Variants in NAP1L4 observed in about 807,000 individuals in gnomAD.
The protein encoded by NAP1L4 is nucleosome assembly protein 1 like 4.
In NAP1L4, 15 loss-of-function variants were observed where a neutral mutation model predicts 58.2. The observed-to-expected ratio is 0.26, with a 90% confidence interval of 0.17 to 0.40. The LOEUF (loss-of-function observed/expected upper bound fraction) is 0.40. Among genes scored for constraint, NAP1L4 ranks in the 10% least tolerant of loss-of-function variants. The pLI is 1.00. For missense variants in NAP1L4, 384 were observed against 451.1 expected (o/e 0.85, Z 1.35); for synonymous variants, 171 against 155.6 (o/e 1.10, Z -0.74).
intron 7 of NAP1L4, among the ~76,000 whole-genome samples, chr11:2,967,440 G>A (rs540046283): frequency 8.6e-5 from 13 of 151,976 alleles, no homozygotes; most frequent in Admixed American, 7.2e-4. Flanking sequence ...GTGAAACCCC[G>A]TCTCTACTAA....
chr11:2,951,726 GC>G lies in NAP1L4; in HGVS notation c.1065+53del. ...AGTCCATAACCTTCAAGCAGAGAAA[GC>G]CAAAGAAACAACTTCAGGGAGGTAA... On this transcript the variant is annotated intron_variant, in intron 13 of 15. Transcript: ENST00000380542. The surrounding 1 kb of genome is among the most constrained non-coding windows in gnomAD (Gnocchi z 4.0). 1 of 1,586,176 alleles carries G rather than the reference GC, an allele frequency of 6.3e-7. No homozygotes were observed. Among genetic ancestry groups the G allele is most frequent in the East Asian group, 2.2e-5 (1 of 44,762 alleles).
rs16928874 is a variant in NAP1L4, at chr11:2,955,938, A to C, written c.893-172T>G. The C allele has an allele frequency of 7.2e-3, 4,568 of 631,652 alleles. 164 individuals carry two copies. The African/African-American group carries it at 0.074, about 10-fold the overall frequency. 39.1% of individuals were successfully genotyped at this position (631,652 alleles called of 1,614,324 possible). A position where few individuals can be genotyped will look rare whatever the true frequency, so the allele number is the denominator to read the frequency against. Reference sequence around the variant, plus strand: ...CCTCACAGACATCTTTGCAAGCTCCATCCACCACTTCTGAAGCTGGCCTGA... The same window carrying C: ...CCTCACAGACATCTTTGCAAGCTCCCTCCACCACTTCTGAAGCTGGCCTGA... On this transcript the variant is annotated intron_variant, in intron 10 of 15. Transcript: ENST00000380542. The surrounding 1 kb of genome is among the most constrained non-coding windows in gnomAD (Gnocchi z 4.2).
At chr11:2,945,755 AAAATGGTTACTGC>A in intron 15 of NAP1L4, 109 bp from the exon 16 acceptor site, 1 of 879,466 alleles carries the variant, frequency 1.1e-6, no homozygotes, top group Admixed American at 3.1e-5. Flanking sequence ...CTCATTGAAA[AAAATGGTTACTGC>A]AAATATACTT....
At position 2,951,759 on chromosome 11, in the gene NAP1L4, C is replaced by G. The variant is rs777884916; in HGVS notation, c.1065+21G>C. On this transcript the variant is annotated intron_variant, in intron 13 of 15. Transcript: ENST00000380542. This position sits in a 1 kb window ranked among gnomAD's most constrained non-coding sequence, Gnocchi z 4.0. ...AACAACTTCAGGGAGGTAAGTGGCA[C>G]TGCATAAACCTGTCTCTTACCTCCT... is the stretch of plus-strand genomic sequence containing the variant. 5 of 1,613,096 alleles carry G rather than the reference C, an allele frequency of 3.1e-6. No individual in the cohort carries two copies. The highest frequency in any genetic ancestry group is 3.4e-6 in the Non-Finnish European group (4 of 1,179,160).
At chr11:2,988,862 A>C (rs544776775) in intron 1 of NAP1L4, among the ~76,000 whole-genome samples, 2 of 152,344 alleles carry the variant, frequency 1.3e-5, no homozygotes, top group African/African-American at 4.8e-5. Flanking sequence ...TACTATAAAA[A>C]CACAATGCCT....
chr11:2,964,517 C>T (rs939878720), intron 8 of NAP1L4, among the ~76,000 whole-genome samples, 163 bp downstream of exon 8: 16 of 152,156 alleles, frequency 1.1e-4, no homozygotes, highest in African/African-American at 3.6e-4. Flanking sequence ...ACACACAATG[C>T]GGTACTCAGT....
At chr11:2,991,003 A>G (rs1436678164) in intron 1 of NAP1L4, 1 of 419,180 alleles carries the variant, frequency 2.4e-6, no homozygotes. Flanking sequence ...CTAATGCAGG[A>G]GGATAAGGCA....
At position 2,949,543 on chromosome 11, in the gene NAP1L4, A is replaced by ATG. The variant is rs1457681092; in HGVS notation, c.1123-281_1123-280dup. On this transcript the variant is annotated intron_variant, in intron 14 of 15. Coordinates refer to ENST00000380542, the MANE Select transcript of NAP1L4 (RefSeq NM_005969.4). This position sits in a 1 kb window ranked among gnomAD's most constrained non-coding sequence, Gnocchi z 4.0. ...CACTGCCCATCTCTCTGGAAGGTGC[A>ATG]TGTGACAGGGACAGCAGGCTTGGCC... Among the ~76,000 whole-genome samples, 1 of 152,198 alleles carries ATG rather than the reference A, an allele frequency of 6.6e-6. No individual in the cohort carries two copies. The highest frequency in any genetic ancestry group is 2.4e-5 in the African/African-American group (1 of 41,446).
chr11:2,947,946 C>A (rs946736461), intron 15 of NAP1L4, among the ~76,000 whole-genome samples: 2 of 152,218 alleles, frequency 1.3e-5, no homozygotes, highest in African/African-American at 4.8e-5. Flanking sequence ...GGACACTCCT[C>A]GGGGGTTGCT....
chr11:2,958,003 G>A (rs964844994), intron 10 of NAP1L4, among the ~76,000 whole-genome samples: 1 of 152,226 alleles, frequency 6.6e-6, no homozygotes, highest in Non-Finnish European at 1.5e-5. Flanking sequence ...GTCCCCGGGG[G>A]GTGCGAACCA....
chr11:2,991,703 G>A, intron 1 of NAP1L4: 1 of 152,810 alleles, frequency 6.5e-6, no homozygotes, highest in Non-Finnish European at 1.5e-5. Flanking sequence ...AGTTAGCCCA[G>A]CCTGACCCCA....
At chr11:2,965,177 G>A (rs998302404) in intron 7 of NAP1L4, among the ~76,000 whole-genome samples, 10 of 152,232 alleles carry the variant, frequency 6.6e-5, no homozygotes, top group Admixed American at 6.5e-4. Context: ...GGCTAGATCG[G>A]CTACGGCCTT....
Position 2,955,682 on chromosome 11 carries a change from A to G in NAP1L4, c.915+62T>C. On this transcript the variant is annotated intron_variant, in intron 11 of 15. Transcript: ENST00000380542. This position sits in a 1 kb window ranked among gnomAD's most constrained non-coding sequence, Gnocchi z 4.2. The stretch of plus-strand genomic sequence containing the variant: ...CTGGACTTTTTTTAACAAGTAGACA[A>G]GTAGACATTCACTCAGGAGAGACTT... 2 of 1,528,618 alleles carry G rather than the reference A, an allele frequency of 1.3e-6. No homozygotes were observed. Among genetic ancestry groups the G allele is most frequent in the East Asian group, 2.2e-5 (1 of 44,464 alleles). 94.7% of individuals were successfully genotyped at this position (1,528,618 alleles called of 1,614,324 possible).
At chr11:2,961,996 A>G (rs920534965) in intron 8 of NAP1L4, among the ~76,000 whole-genome samples, 5 of 152,202 alleles carry the variant, frequency 3.3e-5, no homozygotes, top group Non-Finnish European at 7.3e-5. Flanking sequence ...TCATTCACAC[A>G]CGCACTACAG....
At chr11:2,969,732 A>C (rs1847520900) in intron 7 of NAP1L4, 71 bp downstream of exon 7, 6 of 1,519,990 alleles carry the variant, frequency 3.9e-6, no homozygotes, top group Non-Finnish European at 5.3e-6. Flanking sequence ...TGTAGTGCTT[A>C]AAAAATGCCA....
At chr11:2,973,327 CA>C (rs1346091495) in intron 4 of NAP1L4, among the ~76,000 whole-genome samples, 2 of 152,158 alleles carry the variant, frequency 1.3e-5, no homozygotes, top group Non-Finnish European at 2.9e-5. Context: ...ACTATTTGTT[CA>C]AAACGAAGCC....
Position 2,951,873 on chromosome 11 carries a change from C to G in NAP1L4, c.1036-64G>C. ...CATGACAGCAGCCTGCCCAAGACAC[C>G]AGTCCCATCAAGTGACTCACTGACC... On this transcript the variant is annotated intron_variant, in intron 12 of 15. Transcript: ENST00000380542. The surrounding 1 kb of genome is among the most constrained non-coding windows in gnomAD (Gnocchi z 4.0). The G allele has an allele frequency of 1.3e-6, 2 of 1,505,154 alleles. No homozygotes were observed. The highest frequency in any genetic ancestry group is 1.8e-6 in the Non-Finnish European group (2 of 1,083,874). 93.2% of individuals were successfully genotyped at this position (1,505,154 alleles called of 1,614,324 possible). A position where few individuals can be genotyped will look rare whatever the true frequency, so the allele number is the denominator to read the frequency against.
intron 15 of NAP1L4, among the ~76,000 whole-genome samples, chr11:2,947,862 T>C (rs1380069120): frequency 6.6e-6 from 1 of 152,154 alleles, no homozygotes; most frequent in Non-Finnish European, 1.5e-5. Context: ...TGAAACACAC[T>C]CGACCATAGC....
At chr11:2,970,365 A>T (rs944729517) in intron 6 of NAP1L4, among the ~76,000 whole-genome samples, 13 of 152,172 alleles carry the variant, frequency 8.5e-5, no homozygotes, top group African/African-American at 2.4e-4. Context: ...AGGATAAAGA[A>T]GTTCACTTGG....
Sources: gnomAD v4.1 joint callset for allele counts (sites outside exome capture counted in the v4.1 genomes callset) on GRCh38, gnomAD v4.1.1 for gene constraint, Gnocchi (gnomAD v3.1) non-coding constraint, MANE v1.5 for transcripts, NCBI Gene and HGNC (gene_info 2026-07-23, HGNC 2026-07-21) for gene names.